KRT86: variants seen among roughly 807,000 people sequenced by gnomAD.
KRT86 encodes the protein keratin 86.
Under a neutral mutation model 41.2 loss-of-function variants are expected in KRT86, and 30 were observed. The ratio of observed to expected loss-of-function variants is 0.73; its 90% CI spans 0.54 to 0.99. The LOEUF (loss-of-function observed/expected upper bound fraction) is 0.99, where lower values mean the gene tolerates loss of function less well. Among genes scored for constraint, KRT86 ranks in the 50% least tolerant of loss-of-function variants. The probability of loss-of-function intolerance (pLI) is 0.00; values close to 1 mark genes in which losing one functional copy is unlikely to be tolerated. For synonymous variants in KRT86, 238 were observed against 238.1 expected (o/e 1.00, Z 0.00); for missense variants, 561 against 571.4 (o/e 0.98, Z 0.19).
At chr12:52,306,402 T>TTACACA in intron 9 of KRT86, 122 bp downstream of exon 9, 1 of 1,470,216 alleles carries the variant, frequency 6.8e-7, no homozygotes, top group Non-Finnish European at 9.3e-7. Context: ...ACCAGACAGG[T>TTACACA]AATTTGTGTA....
intron 9 of KRT86, chr12:52,306,702 G>A: frequency 3.5e-6 from 1 of 283,642 alleles, no homozygotes; most frequent in Non-Finnish European, 6.7e-6. Context: ...GCTTCAGATA[G>A]ATGACACTAT....
chr12:52,298,521 A>G (rs112769591), intron 2 of KRT86, among the ~76,000 whole-genome samples: 8 of 151,104 alleles, frequency 5.3e-5, no homozygotes, highest in East Asian at 1.9e-4. Context: ...AGCAGCAACA[A>G]CAACAACAAC....
intron 2 of KRT86, chr12:52,287,850 C>T: frequency 1.2e-6 from 2 of 1,601,008 alleles, no homozygotes; most frequent in East Asian, 2.2e-5. Context: ...TGCCCTGCCA[C>T]CCCAACCTCA....
intron 2 of KRT86, among the ~76,000 whole-genome samples, chr12:52,278,438 GTTTTTTTTTT>G (rs10684723): frequency 3.1e-5 from 4 of 128,056 alleles, no homozygotes; most frequent in African/African-American, 1.2e-4. Context: ...AGAAAGTGTA[GTTTTTTTTTT>G]TTTTTTTTTG....
In KRT86 at chr12:52,302,059, A is replaced by G; in HGVS notation, c.143A>G (p.His48Arg). Residue 48 changes from histidine (H) to arginine (R), a missense_variant, in exon 3 of 11, where the codon CAC becomes CGC. Around this residue, in one of 3 missense-constraint regions of KRT86, gnomAD observed 164 missense variants for 172.5 expected, o/e 0.95. Coordinates refer to ENST00000423955, the MANE Select transcript of KRT86 (RefSeq NM_001320198.2). ...GGCCTCACCGGGGGCTTCGGCAGCCACAGCGTGTGCGGAGGCTTTCGGGCC... is the reference window on the plus strand; with the variant it reads ...GGCCTCACCGGGGGCTTCGGCAGCCGCAGCGTGTGCGGAGGCTTTCGGGCC... ...YRGLTGGFGSHSVCGGFRAGS... is the reference protein window; with the variant it reads ...YRGLTGGFGSRSVCGGFRAGS... 2 of 1,606,254 alleles carry G rather than the reference A, an allele frequency of 1.2e-6. No individual in the cohort carries two copies. The highest frequency in any genetic ancestry group is 1.7e-6 in the Non-Finnish European group (2 of 1,177,008).
intron 2 of KRT86, among the ~76,000 whole-genome samples, chr12:52,295,919 C>A (rs1008833335): frequency 3.3e-5 from 5 of 152,006 alleles, no homozygotes; most frequent in South Asian, 2.1e-4. Context: ...AGAGGGGTGA[C>A]CTTCCTTGCT....
At chr12:52,287,074 G>C in intron 2 of KRT86, 1 of 1,612,658 alleles carries the variant, frequency 6.2e-7, no homozygotes, top group East Asian at 2.2e-5. Flanking sequence ...GGGAAGGGTG[G>C]TTCTGGGCCA....
At position 52,277,849 on chromosome 12, in the gene KRT86, A is replaced by T. The variant is rs1937667835; in HGVS notation, c.-5+1903A>T. On this transcript the variant is annotated intron_variant, in intron 2 of 10. Transcript: ENST00000423955. ...AGAGAGATGACCTAGGTATCCAGGA[A>T]CTCGTTCCTCTAGAGCTAGGTTTCT... 3 of 152,260 alleles carry T rather than the reference A, an allele frequency of 2.0e-5. No homozygotes were observed. The South Asian group carries it at 6.2e-4, about 32-fold the overall frequency. 9.4% of individuals were successfully genotyped at this position (152,260 alleles called of 1,614,324 possible).
chr12:52,296,028 G>A (rs1162002586), intron 2 of KRT86, among the ~76,000 whole-genome samples: 1 of 152,174 alleles, frequency 6.6e-6, no homozygotes, highest in African/African-American at 2.4e-5. Context: ...GTCAGCCAAT[G>A]AGAACAAGGA....
chr12:52,306,303 T>C, intron 9 of KRT86, 23 bp downstream of exon 9: 4 of 1,613,046 alleles, frequency 2.5e-6, no homozygotes, highest in Non-Finnish European at 3.4e-6. Context: ...GACCTTTCCC[T>C]TTCCCAGCCC....
At chr12:52,293,365 A>C (rs1484314495) in intron 2 of KRT86, among the ~76,000 whole-genome samples, 1 of 152,214 alleles carries the variant, frequency 6.6e-6, no homozygotes, top group East Asian at 1.9e-4. Flanking sequence ...CCAGCTGGTA[A>C]GTGATGGAGC....
rs139895699 is a variant in KRT86, at chr12:52,305,741, C to T, written c.979C>T (p.Arg327Cys). 3,767 of 1,614,020 alleles carry T rather than the reference C, an allele frequency of 2.3e-3. 56 individuals are homozygous for T. The African/African-American group carries it at 0.04, about 17-fold the overall frequency. Residue 327 changes from arginine to cysteine, a missense_variant, in exon 8 of 11, where the codon CGC becomes TGC. Coordinates refer to ENST00000423955, the MANE Select transcript of KRT86 (RefSeq NM_001320198.2). ...RTKEEINELNRMIQRLTAEVE... is the reference protein window; with the variant it reads ...RTKEEINELNCMIQRLTAEVE... Reference sequence around the variant, plus strand: ...CAAGGAGGAGATCAACGAGCTGAACCGCATGATCCAGAGGCTGACGGCTGA... The same window carrying T: ...CAAGGAGGAGATCAACGAGCTGAACTGCATGATCCAGAGGCTGACGGCTGA...
Position 52,274,670 on chromosome 12 carries a change from T to A in KRT86, c.-183T>A. On this transcript the variant is annotated 5_prime_UTR_variant, in exon 1 of 11. Coordinates refer to ENST00000423955, the MANE Select transcript of KRT86 (RefSeq NM_001320198.2). ...ATTCTGGTAGCTCTTGGGCTGAAGC[T>A]GGGCTTTGGTGCTCAAGAGAGGCTT... 1 of 984,968 alleles carries A rather than the reference T, an allele frequency of 1.0e-6. No individual in the cohort carries two copies. 61.0% of individuals were successfully genotyped at this position (984,968 alleles called of 1,614,324 possible). A position where few individuals can be genotyped will look rare whatever the true frequency, so the allele number is the denominator to read the frequency against.
At chr12:52,300,315 T>C (rs1313697649) in intron 2 of KRT86, among the ~76,000 whole-genome samples, 4 of 152,236 alleles carry the variant, frequency 2.6e-5, no homozygotes, top group Non-Finnish European at 5.9e-5. Flanking sequence ...GATTTTCTCA[T>C]AATCAATTTC....
chr12:52,286,613 A>C, intron 2 of KRT86: 1 of 1,247,462 alleles, frequency 8.0e-7, no homozygotes, highest in Non-Finnish European at 1.1e-6. Context: ...TTTGTGGACA[A>C]TTCTAGGTCC....
chr12:52,308,749 G>C lies in KRT86; in HGVS notation c.*164G>C. The C allele has an allele frequency of 1.5e-6, 1 of 663,110 alleles. No homozygotes were observed. Among genetic ancestry groups the C allele is most frequent in the Non-Finnish European group, 2.6e-6 (1 of 392,068 alleles). The allele number at this position is 663,110 out of a possible 1,614,324, so 41.1% of individuals were successfully genotyped here. A position where few individuals can be genotyped will look rare whatever the true frequency, so the allele number is the denominator to read the frequency against. On this transcript the variant is annotated 3_prime_UTR_variant, in exon 11 of 11. Transcript: ENST00000423955. The stretch of plus-strand genomic sequence containing the variant: ...TCCGCTCCGGGAGCCATCCCCGGTC[G>C]CAGGAGTCCGGGGAGGGCCGGGAGG...
In KRT86 at chr12:52,305,635, A is replaced by G. The variant is rs111906777; in HGVS notation, c.901-28A>G. ...GAATGGGTGGGAGGTCCCACCCTGA[A>G]CCTCATGAGCATCTCTACTTCCCCC... On this transcript the variant is annotated intron_variant, in intron 7 of 10. Transcript: ENST00000423955. The G allele has an allele frequency of 0.029, 41,281 of 1,445,932 alleles. 602 individuals carry two copies. Among genetic ancestry groups the G allele is most frequent in the African/African-American group, 0.045 (3,186 of 70,704 alleles). 89.6% of individuals were successfully genotyped at this position (1,445,932 alleles called of 1,614,324 possible). A position where few individuals can be genotyped will look rare whatever the true frequency, so the allele number is the denominator to read the frequency against.
chr12:52,305,785 C>G lies in KRT86; in HGVS notation c.1023C>G (p.Cys341Trp). ...CGGCTGAGGTGGAGAATGCCAAGTG[C>G]CAGGTATGGGGCATCTGTGCCCAAG... ...RLTAEVENAK[C>W]QNSKLEAAVA... is the part of the protein sequence containing the mutation. The change falls in exon 8 of 11, where the codon TGC (cysteine) becomes TGG (tryptophan). Residue 341 changes from cysteine (C) to tryptophan (W), a missense_variant. Physicochemically the swap from Cys to Trp is radical, Grantham distance 215. This residue lies in a region of KRT86 where 397 missense variants were observed against 375.9 expected (regional missense o/e 1.06). Coordinates refer to ENST00000423955, the MANE Select transcript of KRT86 (RefSeq NM_001320198.2). 2 of 1,613,994 alleles carry G rather than the reference C, an allele frequency of 1.2e-6. No homozygotes were observed. Among genetic ancestry groups the G allele is most frequent in the African/African-American group, 2.7e-5 (2 of 75,042 alleles).
intron 2 of KRT86, chr12:52,277,690 T>C (rs1211672425): frequency 6.5e-6 from 1 of 152,864 alleles, no homozygotes; most frequent in Non-Finnish European, 1.5e-5. Context: ...GACTTTGAGA[T>C]TGCTGCCTGC....
Sources: gnomAD v4.1 joint callset for allele counts (sites outside exome capture counted in the v4.1 genomes callset) on GRCh38, gnomAD v4.1.1 for gene constraint, gnomAD v4.1.1 regional missense constraint, MANE v1.5 for transcripts, NCBI Gene and HGNC (gene_info 2026-07-23, HGNC 2026-07-21) for gene names.